The following ATP9B variants were observed in gnomAD, a reference collection of about 807,000 sequenced individuals.
ATP9B encodes ATPase phospholipid transporting 9B.
In ATP9B, 110 loss-of-function variants were observed where a neutral mutation model predicts 146.1. That is an observed-to-expected ratio of 0.75 (90% CI 0.65 to 0.88). ATP9B has a LOEUF of 0.88. Ranked by LOEUF, ATP9B falls within the 40% of genes least tolerant of loss-of-function variation. The pLI, the probability that ATP9B is intolerant of heterozygous loss-of-function variation, is 0.00. For missense variants in ATP9B, 1,499 were observed against 1,496.4 expected (o/e 1.00, Z -0.03); for synonymous variants, 604 against 569.7 (o/e 1.06, Z -0.86).
intron 17 of ATP9B, among the ~76,000 whole-genome samples, chr18:79,335,679 C>T (rs1038567369): frequency 4.6e-5 from 7 of 152,212 alleles, no homozygotes; most frequent in African/African-American, 1.2e-4. Context: ...GCCCTGCACT[C>T]CTGCCCTCCC....
chr18:79,359,971 G>A (rs2096977960), intron 26 of ATP9B: 1 of 162,646 alleles, frequency 6.1e-6, no homozygotes, highest in Admixed American at 5.8e-5. Flanking sequence ...TCTGTCCCTA[G>A]GGTCCATAGA....
chr18:79,239,486 G>T lies in ATP9B; in HGVS notation c.1108-13895G>T, dbSNP rs1442289122. Among the ~76,000 whole-genome samples the T allele has an allele frequency of 1.3e-5, 2 of 152,204 alleles. No homozygotes were observed. The highest frequency in any genetic ancestry group is 4.8e-5 in the African/African-American group (2 of 41,450). On this transcript the variant is annotated intron_variant, in intron 11 of 29. Transcript: ENST00000426216. The surrounding 1 kb of genome is among the most constrained non-coding windows in gnomAD (Gnocchi z 5.1). ...CGCCAGCCAAGTCTGCTGTGGCAGG[G>T]ACAGGGACGTAGGACGATGGTGTCA... is the stretch of plus-strand genomic sequence containing the variant.
chr18:79,109,758 G>T (rs1241940697), intron 2 of ATP9B, among the ~76,000 whole-genome samples: 1 of 151,988 alleles, frequency 6.6e-6, no homozygotes, highest in East Asian at 1.9e-4. Context: ...TAGAGACGGG[G>T]TTTTACCACA....
chr18:79,210,517 C>A (rs983580992), intron 10 of ATP9B, among the ~76,000 whole-genome samples: 3 of 152,120 alleles, frequency 2.0e-5, no homozygotes, highest in Non-Finnish European at 4.4e-5. Flanking sequence ...GGACTCTAGA[C>A]CTTGGTTGGG....
At chr18:79,355,252 G>A (rs1485959649) in intron 25 of ATP9B, among the ~76,000 whole-genome samples, 1 of 152,212 alleles carries the variant, frequency 6.6e-6, no homozygotes, top group Non-Finnish European at 1.5e-5. Flanking sequence ...GCCATACCAA[G>A]AACCAGGAAG....
chr18:79,277,874 A>G (rs2096330974), intron 13 of ATP9B, among the ~76,000 whole-genome samples: 1 of 152,384 alleles, frequency 6.6e-6, no homozygotes, highest in East Asian at 1.9e-4. Context: ...AAGAATACTT[A>G]TATAGCGTGA....
chr18:79,218,220 G>A (rs1258623828), intron 11 of ATP9B, among the ~76,000 whole-genome samples: 19 of 150,530 alleles, frequency 1.3e-4, no homozygotes, highest in African/African-American at 4.4e-4. Context: ...TGTTTTCCTC[G>A]TGTTCCATGT....
intron 12 of ATP9B, among the ~76,000 whole-genome samples, chr18:79,270,479 G>A (rs1413796281): frequency 6.6e-6 from 1 of 151,988 alleles, no homozygotes; most frequent in Admixed American, 6.6e-5. Context: ...AAATATCAAA[G>A]TCAAGAACCA....
intron 1 of ATP9B, among the ~76,000 whole-genome samples, chr18:79,083,365 G>C (rs1206320805): frequency 1.3e-5 from 2 of 152,200 alleles, no homozygotes; most frequent in African/African-American, 2.4e-5. Context: ...GATTCGCTGA[G>C]GTAGATCACT....
intron 15 of ATP9B, among the ~76,000 whole-genome samples, 177 bp from the exon 16 acceptor site, chr18:79,328,964 C>T (rs1265861346): frequency 1.3e-5 from 2 of 152,224 alleles, no homozygotes; most frequent in Non-Finnish European, 2.9e-5. Flanking sequence ...TAGGATTCCT[C>T]TAGAACAATG....
At chr18:79,307,368 G>A in intron 15 of ATP9B, 134 bp downstream of exon 15, 1 of 1,330,160 alleles carries the variant, frequency 7.5e-7, no homozygotes, top group Non-Finnish European at 1.0e-6. Context: ...TTAGCTGTAT[G>A]TGGAAAACTG....
chr18:79,200,703 T>C (rs77759219), intron 9 of ATP9B, among the ~76,000 whole-genome samples: 3 of 15,490 alleles, frequency 1.9e-4, no homozygotes, highest in East Asian at 2.2e-3. Flanking sequence ...AATGTGTTTA[T>C]GTCAGAGCAG....
chr18:79,328,027 G>A (rs369112860), intron 15 of ATP9B, among the ~76,000 whole-genome samples: 7 of 150,046 alleles, frequency 4.7e-5, no homozygotes, highest in African/African-American at 1.2e-4. Flanking sequence ...CGTGGTTAGC[G>A]TGCTCTCCGT....
chr18:79,093,400 A>G (rs1195620355), intron 1 of ATP9B, among the ~76,000 whole-genome samples: 1 of 152,182 alleles, frequency 6.6e-6, no homozygotes, highest in African/African-American at 2.4e-5. Flanking sequence ...TCTCCATGAG[A>G]AATCTACAGG....
chr18:79,200,998 G>T (rs141129941), intron 9 of ATP9B, among the ~76,000 whole-genome samples: 23 of 152,310 alleles, frequency 1.5e-4, no homozygotes, highest in African/African-American at 5.5e-4. Flanking sequence ...AACGGGAATG[G>T]CTTCACCCCA....
chr18:79,284,256 G>C (rs181525624), intron 13 of ATP9B, among the ~76,000 whole-genome samples: 5 of 152,254 alleles, frequency 3.3e-5, no homozygotes, highest in African/African-American at 1.2e-4. Flanking sequence ...GCTAATAACC[G>C]GGTATTCAGT....
At chr18:79,246,344 C>G (rs975202791) in intron 11 of ATP9B, among the ~76,000 whole-genome samples, 2 of 137,138 alleles carry the variant, frequency 1.5e-5, no homozygotes, top group Non-Finnish European at 3.1e-5. Flanking sequence ...ACTGACTGTG[C>G]GGAGGGCACC....
intron 1 of ATP9B, among the ~76,000 whole-genome samples, chr18:79,071,458 G>A (rs182053083): frequency 3.3e-5 from 4 of 120,222 alleles, no homozygotes; most frequent in Admixed American, 3.3e-4. Flanking sequence ...TTAGTGATGC[G>A]ATCGTAGCTC....
At chr18:79,334,368 A>G (rs959730887) in intron 17 of ATP9B, among the ~76,000 whole-genome samples, 1 of 150,630 alleles carries the variant, frequency 6.6e-6, no homozygotes, top group Non-Finnish European at 1.5e-5. Flanking sequence ...AAAAGAAAAA[A>G]AAAAGTTAGA....
Sources: allele counts gnomAD v4.1 joint callset (sites outside exome capture counted in the v4.1 genomes callset), GRCh38; gene constraint gnomAD v4.1.1; non-coding constraint Gnocchi (gnomAD v3.1); transcripts MANE v1.5; gene names NCBI Gene and HGNC (gene_info 2026-07-23, HGNC 2026-07-21).